Variants in ZNF141 observed in about 807,000 individuals in gnomAD.
ZNF141 encodes zinc finger protein 141 (clone pHZ-44).
A neutral mutation model predicts 11.3 loss-of-function variants in ZNF141; 7 were observed. The observed-to-expected ratio is 0.62, with a 90% CI of 0.35 to 1.16. The LOEUF (loss-of-function observed/expected upper bound fraction) is 1.16, where lower values mean the gene tolerates loss of function less well. Among genes scored for constraint, ZNF141 ranks in the 50% most tolerant of loss-of-function variants. The pLI, the probability that ZNF141 is intolerant of heterozygous loss-of-function variation, is 0.02. For missense variants in ZNF141, 535 were observed against 554.0 expected (o/e 0.97, Z 0.34); for synonymous variants, 183 against 190.7 (o/e 0.96, Z 0.33).
At chr4:338,255 C>G in intron 1 of ZNF141, 1 of 423,164 alleles carries the variant, frequency 2.4e-6, no homozygotes, top group Non-Finnish European at 4.3e-6. Flanking sequence ...TGGAAGCCGC[C>G]CGCGCGGCGT....
At chr4:342,922 T>C (rs1553848736) in intron 1 of ZNF141, 1 of 1,572,924 alleles carries the variant, frequency 6.4e-7, no homozygotes, top group East Asian at 2.2e-5. Context: ...TTCCTTAGTG[T>C]CAGGATCTAC....
At chr4:338,358 A>G (rs1484151772) in intron 1 of ZNF141, 3 of 236,134 alleles carry the variant, frequency 1.3e-5, no homozygotes, top group African/African-American at 2.4e-5. Context: ...TCGAGGCCCC[A>G]TCAAAACAGA....
At position 374,535 on chromosome 4, in the gene ZNF141, A is replaced by C. The variant is rs1712267495; in HGVS notation, c.*673A>C. 5.6e-6 allele frequency: 1 copy of C among 179,116 alleles called. No homozygotes were observed. Among genetic ancestry groups the C allele is most frequent in the Admixed American group, 5.6e-5 (1 of 17,804 alleles). The allele number at this position is 179,116 out of a possible 1,614,324, so 11.1% of individuals were successfully genotyped here. A position where few individuals can be genotyped will look rare whatever the true frequency, so the allele number is the denominator to read the frequency against. On this transcript the variant is annotated 3_prime_UTR_variant, in exon 4 of 4. Coordinates refer to ENST00000240499, the MANE Select transcript of ZNF141 (RefSeq NM_003441.4). ...CAAGATAATTCATTCTGGGGAAAAA[A>C]ATGCTACAAATGTGAAAAACGTGGC... is the stretch of plus-strand genomic sequence containing the variant.
intron 3 of ZNF141, among the ~76,000 whole-genome samples, chr4:361,269 C>T (rs1553852098): frequency 6.6e-6 from 1 of 151,666 alleles, no homozygotes; most frequent in East Asian, 1.9e-4. Context: ...TGTTTCTATA[C>T]TTTTGGCTGA....
At chr4:348,711 A>C (rs1721453875) in intron 3 of ZNF141, among the ~76,000 whole-genome samples, 1 of 151,258 alleles carries the variant, frequency 6.6e-6, no homozygotes, top group Non-Finnish European at 1.5e-5. Context: ...CCTGGGTGAC[A>C]GAGCTGGACT....
intron 3 of ZNF141, among the ~76,000 whole-genome samples, chr4:352,306 G>C (rs1473883981): frequency 1.3e-5 from 2 of 152,206 alleles, no homozygotes; most frequent in African/African-American, 2.4e-5. Flanking sequence ...AGAATCACTT[G>C]AACCCGGGAG....
At chr4:354,506 A>C (rs1721758310) in intron 3 of ZNF141, among the ~76,000 whole-genome samples, 1 of 152,124 alleles carries the variant, frequency 6.6e-6, no homozygotes, top group Non-Finnish European at 1.5e-5. Context: ...GAAAACTTTT[A>C]TATGTAAATT....
rs2108656780 is a variant in ZNF141, at chr4:374,705, G to C, written c.*843G>C. The C allele has an allele frequency of 6.5e-6, 1 of 154,086 alleles. No individual in the cohort carries two copies. Among genetic ancestry groups the C allele is most frequent in the East Asian group, 1.9e-4 (1 of 5,242 alleles). The allele number at this position is 154,086 out of a possible 1,614,324, so 9.5% of individuals were successfully genotyped here. On this transcript the variant is annotated 3_prime_UTR_variant, in exon 4 of 4. Coordinates refer to ENST00000240499, the MANE Select transcript of ZNF141 (RefSeq NM_003441.4). ...AAAACCATAGAAATGTAAAAGATGT[G>C]ACAAAACCTTTAAGCCATACTCCAG... is the stretch of plus-strand genomic sequence containing the variant.
chr4:355,371 A>G (rs747658069), intron 3 of ZNF141, among the ~76,000 whole-genome samples: 5 of 151,780 alleles, frequency 3.3e-5, no homozygotes, highest in Admixed American at 1.3e-4. Flanking sequence ...ACGTCTGGCT[A>G]ATTTTTGTAT....
chr4:361,446 T>C (rs1553852169), intron 3 of ZNF141, among the ~76,000 whole-genome samples: 1 of 151,770 alleles, frequency 6.6e-6, no homozygotes, highest in Non-Finnish European at 1.5e-5. Context: ...TTGTTACATA[T>C]GTATACATGT....
chr4:359,424 T>C (rs534460881), intron 3 of ZNF141, among the ~76,000 whole-genome samples: 50 of 152,236 alleles, frequency 3.3e-4, no homozygotes, highest in African/African-American at 1.2e-3. Context: ...ATTGGACAGG[T>C]TTCTAGATGA....
intron 3 of ZNF141, among the ~76,000 whole-genome samples, chr4:368,241 A>G (rs1711843333): frequency 6.6e-6 from 1 of 151,786 alleles, no homozygotes; most frequent in South Asian, 2.1e-4. Context: ...ATTTTTTTAA[A>G]GGATTTTTTT....
chr4:352,068 A>G (rs1406618931), intron 3 of ZNF141, among the ~76,000 whole-genome samples: 1 of 152,202 alleles, frequency 6.6e-6, no homozygotes, highest in Non-Finnish European at 1.5e-5. Flanking sequence ...GCTATTTTTC[A>G]TACAGAGGAG....
At chr4:372,409 C>G (rs946281173) in intron 3 of ZNF141, among the ~76,000 whole-genome samples, 2 of 152,196 alleles carry the variant, frequency 1.3e-5, no homozygotes, top group African/African-American at 4.8e-5. Flanking sequence ...AACAAACATT[C>G]CTTCCTGTTC....
At chr4:357,543 A>G (rs1035811878) in intron 3 of ZNF141, among the ~76,000 whole-genome samples, 14 of 151,850 alleles carry the variant, frequency 9.2e-5, no homozygotes, top group Admixed American at 6.6e-4. Context: ...CTGAATGTCT[A>G]TTTTCCTTCC....
intron 3 of ZNF141, among the ~76,000 whole-genome samples, chr4:371,655 T>C (rs190725332): frequency 3.5e-4 from 53 of 152,234 alleles, no homozygotes; most frequent in African/African-American, 1.3e-3. Flanking sequence ...TTCTCCTGCC[T>C]CAGCCTCCCG....
At position 381,936 on chromosome 4, in the gene ZNF141, T is replaced by G. The variant is rs1553855744; in HGVS notation, c.*8074T>G. Among the ~76,000 whole-genome samples the G allele has an allele frequency of 6.9e-6, 1 of 145,394 alleles. No homozygotes were observed. Among genetic ancestry groups the G allele is most frequent in the African/African-American group, 2.6e-5 (1 of 38,682 alleles). On this transcript the variant is annotated 3_prime_UTR_variant, in exon 4 of 4. Transcript: ENST00000240499. ...GACCAAGCAGCTAGGGCCACCACCA[T>G]CTCTGGGAACTTTTTTTTTTTTTTT...
chr4:361,438 G>T (rs1581610753), intron 3 of ZNF141, among the ~76,000 whole-genome samples: 1 of 142,802 alleles, frequency 7.0e-6, no homozygotes, highest in Non-Finnish European at 1.5e-5. Context: ...GTGCAGGTTT[G>T]TTACATATGT....
In ZNF141 at chr4:376,867, C is replaced by T. The variant is rs140257745; in HGVS notation, c.*3005C>T. Among the ~76,000 whole-genome samples the T allele has an allele frequency of 6.9e-4, 105 of 152,156 alleles. 1 individual carries two copies. In the East Asian group the frequency reaches 0.016, roughly 23 times the overall value. ...ATGACTCTAGAATCTAATGGATTGT[C>T]GTTGAGAATCTCCCCATACAAACTC... On this transcript the variant is annotated 3_prime_UTR_variant, in exon 4 of 4. Transcript: ENST00000240499.
Sources: allele counts gnomAD v4.1 joint callset (sites outside exome capture counted in the v4.1 genomes callset), GRCh38; gene constraint gnomAD v4.1.1; transcripts MANE v1.5; gene names NCBI Gene and HGNC (gene_info 2026-07-23, HGNC 2026-07-21).